The following EYS variants were observed in gnomAD, a reference collection of about 807,000 sequenced individuals.
EYS encodes the protein EGF-like photoreceptor maintenance factor, also known as protein eyes shut homolog.
Under a neutral mutation model 282.1 loss-of-function variants are expected in EYS, and 250 were observed. The ratio of observed to expected loss-of-function variants is 0.89; its 90% CI spans 0.80 to 0.98. The LOEUF is 0.98. EYS is among the 50% of genes least tolerant of loss of function. EYS has a pLI of 0.00. For missense variants in EYS, 4,016 were observed against 3,709.0 expected, an observed-to-expected ratio of 1.08 and a Z score of -2.15; for synonymous variants, 1,355 against 1,282.9, an observed-to-expected ratio of 1.06 and a Z score of -1.20.
rs185813053 is a variant in EYS at position 65,031,767 on chromosome 6, C to T, written c.2137+25847G>A. Among the ~76,000 whole-genome samples the T allele has an allele frequency of 1.3e-4, 20 of 151,888 alleles. No individual in the cohort carries two copies. In the East Asian group the frequency reaches 3.1e-3, roughly 24 times the overall value. On this transcript the variant is annotated intron_variant, in intron 13 of 42. Transcript: ENST00000503581. Reference sequence around the variant, plus strand: ...CAAAGTTTATAGCACTAAAGGCTCACATCAAAGAGTTAGGAAGATATCAGA... The same window carrying T: ...CAAAGTTTATAGCACTAAAGGCTCATATCAAAGAGTTAGGAAGATATCAGA...
At chr6:65,379,077 CA>C (rs768309208) in intron 8 of EYS, among the ~76,000 whole-genome samples, 3 of 151,024 alleles carry the variant, frequency 2.0e-5, no homozygotes, top group South Asian at 4.2e-4. Flanking sequence ...TAAAATAAAA[CA>C]GAAAAAAAAG....
At chr6:63,942,522 C>T (rs967653259) in intron 35 of EYS, among the ~76,000 whole-genome samples, 10 of 152,036 alleles carry the variant, frequency 6.6e-5, no homozygotes, top group East Asian at 1.9e-4. Flanking sequence ...CAGTGGCAGA[C>T]GATGAGGAAG....
chr6:63,891,386 C>G (rs1015422671), intron 35 of EYS, among the ~76,000 whole-genome samples: 9 of 151,632 alleles, frequency 5.9e-5, no homozygotes, highest in African/African-American at 2.2e-4. Context: ...AGCTTATCCA[C>G]GACCATCAAG....
At chr6:63,800,528 G>A (rs184366978) in intron 37 of EYS, among the ~76,000 whole-genome samples, 3 of 152,242 alleles carry the variant, frequency 2.0e-5, no homozygotes, top group East Asian at 3.9e-4. Context: ...GGCTGGGCGC[G>A]GAGTGGCTCA....
chr6:63,948,162 G>A (rs1221932835), intron 35 of EYS, among the ~76,000 whole-genome samples: 2 of 152,174 alleles, frequency 1.3e-5, no homozygotes, highest in African/African-American at 4.8e-5. Context: ...TATTGTATTA[G>A]AGCTTCTAGG....
At chr6:65,358,774 C>T (rs1764590722) in intron 8 of EYS, among the ~76,000 whole-genome samples, 1 of 151,804 alleles carries the variant, frequency 6.6e-6, no homozygotes, top group East Asian at 1.9e-4. Context: ...AAATGTATAG[C>T]TCATATTTCT....
intron 8 of EYS, among the ~76,000 whole-genome samples, chr6:65,360,745 A>T (rs1170419478): frequency 6.6e-6 from 1 of 152,164 alleles, no homozygotes; most frequent in Non-Finnish European, 1.5e-5. Flanking sequence ...CCTTGCTCTC[A>T]CTGAGCTCAC....
At chr6:65,226,101 T>C (rs1266353019) in intron 12 of EYS, among the ~76,000 whole-genome samples, 1 of 152,176 alleles carries the variant, frequency 6.6e-6, no homozygotes, top group East Asian at 1.9e-4. Flanking sequence ...GACTTCATGA[T>C]GTTATATATA....
At chr6:64,166,472 C>G (rs978789206) in intron 31 of EYS, among the ~76,000 whole-genome samples, 1 of 152,146 alleles carries the variant, frequency 6.6e-6, no homozygotes, top group Non-Finnish European at 1.5e-5. Context: ...AGACTTCAAT[C>G]AATAGGGTAT....
At chr6:64,697,767 C>T (rs1035216559) in intron 22 of EYS, among the ~76,000 whole-genome samples, 3 of 151,986 alleles carry the variant, frequency 2.0e-5, no homozygotes, top group African/African-American at 7.3e-5. Flanking sequence ...CACTGTGAAA[C>T]CCCATCTCTA....
intron 26 of EYS, among the ~76,000 whole-genome samples, chr6:64,546,604 G>T (rs1303196374): frequency 6.6e-6 from 1 of 151,942 alleles, no homozygotes; most frequent in Non-Finnish European, 1.5e-5. Flanking sequence ...ATGGGAGAAA[G>T]TTTTTGCAAT....
In EYS at chr6:65,347,221, T is replaced by G. The variant is rs138869155; in HGVS notation, c.1460-3044A>C. Among the ~76,000 whole-genome samples the G allele has an allele frequency of 1.4e-4, 21 of 151,890 alleles. No homozygotes were observed. In the East Asian group the frequency reaches 3.9e-3, roughly 28 times the overall value. On this transcript the variant is annotated intron_variant, in intron 9 of 42. Transcript: ENST00000503581. The stretch of plus-strand genomic sequence containing the variant: ...GGAGAAAAATTATATACTTACAGTG[T>G]TTTTTAAATTTGCTTTGATTGCATT...
intron 42 of EYS, among the ~76,000 whole-genome samples, chr6:63,724,772 G>T (rs1441174750): frequency 6.6e-6 from 1 of 152,052 alleles, no homozygotes; most frequent in East Asian, 1.9e-4. Flanking sequence ...CAGAAACCAT[G>T]TTAATTTAGA....
intron 2 of EYS, among the ~76,000 whole-genome samples, chr6:65,622,340 T>C (rs893706749): frequency 5.9e-5 from 9 of 152,206 alleles, no homozygotes; most frequent in Non-Finnish European, 1.3e-4. Flanking sequence ...CCAACTTAAA[T>C]TACCTTGAAA....
intron 2 of EYS, among the ~76,000 whole-genome samples, chr6:65,523,934 C>T (rs537961369): frequency 2.9e-4 from 44 of 152,288 alleles, no homozygotes; most frequent in African/African-American, 8.9e-4. Context: ...TGAAATGGCA[C>T]GATCCCAGCT....
Position 63,767,535 on chromosome 6 carries a change from T to C in EYS, c.7899-4902A>G, listed in dbSNP as rs148779262. On this transcript the variant is annotated intron_variant, in intron 40 of 42. Transcript: ENST00000503581. ...AATACGGAACCAAGGAGGTGAAAGA[T>C]CTTTACAATGAGAATTACAAAACAC... Among the ~76,000 whole-genome samples the C allele has an allele frequency of 4.8e-4, 73 of 152,040 alleles. No individual in the cohort carries two copies. In the East Asian group the frequency reaches 0.013, roughly 27 times the overall value.
At chr6:65,512,959 C>T (rs1236304950) in intron 2 of EYS, among the ~76,000 whole-genome samples, 5 of 152,094 alleles carry the variant, frequency 3.3e-5, no homozygotes, top group Non-Finnish European at 4.4e-5. Context: ...CTGAAGGAAA[C>T]AGAGACACAA....
At chr6:65,283,521 C>G (rs191472055) in intron 12 of EYS, among the ~76,000 whole-genome samples, 12 of 151,728 alleles carry the variant, frequency 7.9e-5, no homozygotes, top group African/African-American at 2.7e-4. Context: ...TTAAAATATT[C>G]TAAATTCCTT....
intron 26 of EYS, among the ~76,000 whole-genome samples, chr6:64,578,325 T>C (rs1319960538): frequency 6.6e-6 from 1 of 152,152 alleles, no homozygotes; most frequent in Non-Finnish European, 1.5e-5. Context: ...CTTGCTTGCC[T>C]GCTCTTCCAC....
Sources: allele counts gnomAD v4.1 joint callset (sites outside exome capture counted in the v4.1 genomes callset), GRCh38; gene constraint gnomAD v4.1.1; transcripts MANE v1.5; gene names NCBI Gene and HGNC (gene_info 2026-07-23, HGNC 2026-07-21).